The following BARX2 variants were observed in gnomAD, a reference collection of about 807,000 sequenced individuals.
BARX2 encodes BARX homeobox 2, also known as homeobox protein BarH-like 2.
BARX2 carries 11 observed loss-of-function variants against 25.5 expected under a neutral mutation model. That is an observed-to-expected ratio of 0.43 (90% confidence interval 0.27 to 0.71). The LOEUF (loss-of-function observed/expected upper bound fraction) is 0.71, where lower values mean the gene tolerates loss of function less well. Ranked by LOEUF, BARX2 falls within the 30% of genes least tolerant of loss-of-function variation. The pLI is 0.19. For synonymous variants in BARX2, 137 were observed against 149.5 expected (o/e 0.92, Z 0.61); for missense variants, 360 against 359.9 (o/e 1.00, Z 0.00).
chr11:129,378,855 A>C (rs1861532366), intron 1 of BARX2, among the ~76,000 whole-genome samples: 1 of 152,068 alleles, frequency 6.6e-6, no homozygotes, highest in African/African-American at 2.4e-5. Context: ...AAAAAAAAAA[A>C]AACACTGCAT....
chr11:129,427,501 C>G (rs1862077511), intron 1 of BARX2, among the ~76,000 whole-genome samples: 1 of 152,174 alleles, frequency 6.6e-6, no homozygotes, highest in Admixed American at 6.5e-5. Context: ...GTTTATGTCC[C>G]TCTGAAGCTT....
chr11:129,443,588 G>C (rs1862289399), intron 3 of BARX2, among the ~76,000 whole-genome samples: 1 of 152,158 alleles, frequency 6.6e-6, no homozygotes, highest in African/African-American at 2.4e-5. Context: ...AAGAGCCCTG[G>C]TTATTCTGAA....
intron 2 of BARX2, chr11:129,437,404 C>T: frequency 1.0e-6 from 1 of 994,994 alleles, no homozygotes; most frequent in South Asian, 4.7e-5. Context: ...GGATTGGAGG[C>T]AGCAGGACTA....
rs563714693 is a variant in BARX2, at chr11:129,449,535, C to T, written c.574-1601C>T. Among the ~76,000 whole-genome samples, 11 of 152,288 alleles carry T rather than the reference C, an allele frequency of 7.2e-5. 2 individuals carry two copies. The East Asian group carries it at 2.1e-3, about 29-fold the overall frequency. On this transcript the variant is annotated intron_variant, in intron 3 of 3. Coordinates refer to ENST00000281437, the MANE Select transcript of BARX2 (RefSeq NM_003658.5). ...CCAGAAAATCAAGAACTATGCCAAG[C>T]CAGTGGAGGAAGGAGTGTCTACTAC...
chr11:129,441,610 A>G (rs1862261199), intron 2 of BARX2, among the ~76,000 whole-genome samples: 2 of 150,018 alleles, frequency 1.3e-5, no homozygotes, highest in South Asian at 4.2e-4. Context: ...CACCACACCC[A>G]GTTAATTTTT....
intron 2 of BARX2, among the ~76,000 whole-genome samples, chr11:129,441,479 C>G (rs117472895): frequency 3.3e-5 from 5 of 152,298 alleles, no homozygotes; most frequent in Non-Finnish European, 7.3e-5. Context: ...GACAATGTCT[C>G]ACTCCATTGC....
At chr11:129,429,558 T>G (rs1206352567) in intron 1 of BARX2, among the ~76,000 whole-genome samples, 2 of 151,876 alleles carry the variant, frequency 1.3e-5, no homozygotes, top group African/African-American at 4.8e-5. Context: ...ACTGGAAAAA[T>G]AAATTAATGT....
chr11:129,375,584 T>C (rs1162710076), upstream of BARX2, among the ~76,000 whole-genome samples: 1 of 151,230 alleles, frequency 6.6e-6, no homozygotes, highest in Non-Finnish European at 1.5e-5. The surrounding 1 kb of genome is among the most constrained non-coding windows in gnomAD (Gnocchi z 4.0). Flanking sequence ...CTGGAGCGCG[T>C]CCCGGGGGGG....
intron 1 of BARX2, among the ~76,000 whole-genome samples, chr11:129,418,822 G>T (rs74714226): frequency 0.03 from 4,575 of 152,262 alleles, 171 homozygotes; most frequent in East Asian, 0.15. Context: ...CACATCAACT[G>T]CCTGGAAGAC....
chr11:129,421,495 A>G (rs755033422), intron 1 of BARX2, among the ~76,000 whole-genome samples: 1 of 152,220 alleles, frequency 6.6e-6, no homozygotes, highest in African/African-American at 2.4e-5. Context: ...CATAATCACT[A>G]AGGATACACA....
chr11:129,389,810 T>G (rs1480091274), intron 1 of BARX2, among the ~76,000 whole-genome samples: 1 of 151,946 alleles, frequency 6.6e-6, no homozygotes, highest in Non-Finnish European at 1.5e-5. Context: ...TCTTTTCCAA[T>G]TAGGTAGCAT....
At chr11:129,418,396 TG>T (rs2135401983) in intron 1 of BARX2, among the ~76,000 whole-genome samples, 1 of 152,296 alleles carries the variant, frequency 6.6e-6, no homozygotes, top group East Asian at 1.9e-4. Flanking sequence ...CAGAATGTCA[TG>T]TTATTTCAGC....
chr11:129,409,804 C>T (rs991265266), intron 1 of BARX2, among the ~76,000 whole-genome samples: 22 of 152,084 alleles, frequency 1.4e-4, no homozygotes, highest in Middle Eastern at 3.2e-3. Context: ...TTAAGATGGC[C>T]AATTCATCTT....
intron 1 of BARX2, among the ~76,000 whole-genome samples, chr11:129,381,332 A>C (rs1540666): frequency 0.47 from 71,992 of 152,022 alleles, 17,212 homozygotes; most frequent in East Asian, 0.57. Context: ...TGTTTAAAAA[A>C]TCCCTCTCAA....
At position 129,404,224 on chromosome 11, in the gene BARX2, A is replaced by G. The variant is rs1316194526; in HGVS notation, c.187+28002A>G. Among the ~76,000 whole-genome samples the G allele has an allele frequency of 2.6e-5, 4 of 152,220 alleles. No homozygotes were observed. The East Asian group carries it at 7.7e-4, about 29-fold the overall frequency. ...TGAATGACGTTGCCACGTCCTGAAG[A>G]AAACCCCAGTCAGCTTGGAGAGGGC... On this transcript the variant is annotated intron_variant, in intron 1 of 3. Coordinates refer to ENST00000281437, the MANE Select transcript of BARX2 (RefSeq NM_003658.5).
chr11:129,396,300 T>C (rs908605461), intron 1 of BARX2, among the ~76,000 whole-genome samples: 1 of 152,136 alleles, frequency 6.6e-6, no homozygotes, highest in African/African-American at 2.4e-5. Flanking sequence ...TAATATGTTT[T>C]CTCTTACTTG....
rs146291327 is a variant in BARX2 at position 129,449,020 on chromosome 11, C to T, written c.574-2116C>T. Among the ~76,000 whole-genome samples the T allele has an allele frequency of 2.7e-4, 41 of 152,176 alleles. No homozygotes were observed. The East Asian group carries it at 7.5e-3, about 28-fold the overall frequency. ...GACAGAAAGCAGACTAGTGGTTGCC[C>T]AGGGCTGTGGGCAGATCGGGTAGGG... On this transcript the variant is annotated intron_variant, in intron 3 of 3. Transcript: ENST00000281437.
chr11:129,426,608 C>T (rs1862066571), intron 1 of BARX2, among the ~76,000 whole-genome samples: 1 of 152,084 alleles, frequency 6.6e-6, no homozygotes, highest in African/African-American at 2.4e-5. Flanking sequence ...AACTCCTGAC[C>T]TCAGGTGATC....
rs1464956558 is a variant in BARX2 at position 129,376,217 on chromosome 11, G to A, written c.182G>A (p.Cys61Tyr). The change falls in exon 1 of 4, where the codon TGT becomes TAT. Residue 61 changes from cysteine to tyrosine, a missense_variant. Physicochemically the swap from Cys to Tyr is radical, Grantham distance 194. This residue lies in a region of BARX2 where 240 missense variants were observed against 228.7 expected (regional missense o/e 1.05). Coordinates refer to ENST00000281437, the MANE Select transcript of BARX2 (RefSeq NM_003658.5). This position sits in a 1 kb window ranked among gnomAD's most constrained non-coding sequence, Gnocchi z 4.2. ...GTGCGACCCAAGCCCCTGCATTCCTGTACGGGTAAGACGCTCCGCTAGGGG... is the reference window on the plus strand; with the variant it reads ...GTGCGACCCAAGCCCCTGCATTCCTATACGGGTAAGACGCTCCGCTAGGGG... ...LVVRPKPLHSCTGSPSLRAYP... is the reference protein window; with the variant it reads ...LVVRPKPLHSYTGSPSLRAYP... The A allele has an allele frequency of 6.2e-7, 1 of 1,600,836 alleles. No individual in the cohort carries two copies. Among genetic ancestry groups the A allele is most frequent in the African/African-American group, 1.4e-5 (1 of 73,788 alleles).
Sources: allele counts gnomAD v4.1 joint callset (sites outside exome capture counted in the v4.1 genomes callset), GRCh38; gene constraint gnomAD v4.1.1; regional missense constraint gnomAD v4.1.1; non-coding constraint Gnocchi (gnomAD v3.1); transcripts MANE v1.5; gene names NCBI Gene and HGNC (gene_info 2026-07-23, HGNC 2026-07-21).